Variants in RTN4RL1 observed in about 807,000 individuals in gnomAD.
RTN4RL1 encodes reticulon 4 receptor like 1.
A neutral mutation model predicts 25.6 loss-of-function variants in RTN4RL1; 7 were observed. That is an observed-to-expected ratio of 0.27 (90% CI 0.16 to 0.51). RTN4RL1 has a LOEUF of 0.51. Ranked by LOEUF, RTN4RL1 falls within the 20% of genes least tolerant of loss-of-function variation. The pLI is 0.97. For synonymous variants in RTN4RL1, 297 were observed against 288.2 expected (o/e 1.03, Z -0.31); for missense variants, 500 against 615.6 (o/e 0.81, Z 1.99).
chr17:1,987,923 T>C (rs1197802866), intron 1 of RTN4RL1, among the ~76,000 whole-genome samples: 2 of 150,592 alleles, frequency 1.3e-5, no homozygotes, highest in Non-Finnish European at 3.0e-5. Context: ...ATGGCCAACA[T>C]GGTGAAACAC....
intron 1 of RTN4RL1, among the ~76,000 whole-genome samples, chr17:1,938,795 A>G (rs150058671): frequency 0.024 from 3,690 of 151,786 alleles, 49 homozygotes; most frequent in African/African-American, 0.038. Flanking sequence ...TCACGCCTGT[A>G]ATCCCAACAC....
chr17:1,978,431 A>G (rs577725000), intron 1 of RTN4RL1, among the ~76,000 whole-genome samples: 88 of 152,380 alleles, frequency 5.8e-4, no homozygotes, highest in Non-Finnish European at 1.2e-3. Flanking sequence ...AGAAGCCTTT[A>G]GAGGAGAGGC....
intron 1 of RTN4RL1, among the ~76,000 whole-genome samples, chr17:1,957,318 C>T (rs1915812722): frequency 6.6e-6 from 1 of 152,146 alleles, no homozygotes. Context: ...CCTCTGTTTG[C>T]CTTCCCAACT....
intron 1 of RTN4RL1, among the ~76,000 whole-genome samples, chr17:1,938,949 G>A (rs1915373288): frequency 6.6e-6 from 1 of 152,050 alleles, no homozygotes. Flanking sequence ...AGGAGGCTGA[G>A]GCAGGAGAAT....
intron 1 of RTN4RL1, among the ~76,000 whole-genome samples, chr17:1,976,145 T>C (rs956824145): frequency 3.9e-5 from 6 of 152,246 alleles, no homozygotes; most frequent in Admixed American, 6.5e-5. Context: ...CTCATGTTGA[T>C]AGGCAATGAT....
At chr17:2,022,269 T>C (rs1433335518) in intron 1 of RTN4RL1, among the ~76,000 whole-genome samples, 3 of 152,058 alleles carry the variant, frequency 2.0e-5, no homozygotes, top group South Asian at 2.1e-4. Flanking sequence ...TTAGCTGAGA[T>C]TGCACCACTG....
At chr17:1,944,543 A>G (rs973831670) in intron 1 of RTN4RL1, among the ~76,000 whole-genome samples, 1 of 151,518 alleles carries the variant, frequency 6.6e-6, no homozygotes, top group Non-Finnish European at 1.5e-5. Context: ...GCAACTTCCA[A>G]CCTCCTGAGT....
intron 1 of RTN4RL1, among the ~76,000 whole-genome samples, chr17:2,002,086 G>C (rs907251998): frequency 2.6e-5 from 4 of 151,718 alleles, no homozygotes; most frequent in Non-Finnish European, 4.4e-5. Context: ...GTTGGGGGAT[G>C]ATGAGGAGAA....
At chr17:2,007,332 G>GC (rs2067004104) in intron 1 of RTN4RL1, among the ~76,000 whole-genome samples, 2 of 78,632 alleles carry the variant, frequency 2.5e-5, no homozygotes, top group African/African-American at 7.1e-5. Context: ...CATGTTCACA[G>GC]CCCCAACACA....
intron 1 of RTN4RL1, among the ~76,000 whole-genome samples, chr17:2,000,282 C>G (rs1007422325): frequency 6.6e-6 from 1 of 152,160 alleles, no homozygotes; most frequent in African/African-American, 2.4e-5. Context: ...CAGGATGGGG[C>G]AGAGGAAGGA....
At chr17:2,020,751 C>A (rs1197061496) in intron 1 of RTN4RL1, 1 of 152,192 alleles carries the variant, frequency 6.6e-6, no homozygotes, top group Non-Finnish European at 1.5e-5. Flanking sequence ...CTTAACAAAG[C>A]CTATTTGGCA....
rs183885016 is a variant in RTN4RL1 at position 1,938,776 on chromosome 17, C to T, written c.14-968G>A. 1.6e-3 allele frequency among the ~76,000 whole-genome samples: 235 copies of T among 150,524 alleles called. 1 individual carries two copies. The highest frequency in any genetic ancestry group is 5.0e-3 in the African/African-American group (206 of 41,122). On this transcript the variant is annotated intron_variant, in intron 1 of 1. Coordinates refer to ENST00000331238, the MANE Select transcript of RTN4RL1 (RefSeq NM_178568.4). Reference sequence around the variant, plus strand: ...TTTCTGAAATACAGACATGGCCGGGCGCGGTGGCTCACGCCTGTAATCCCA... The same window carrying T: ...TTTCTGAAATACAGACATGGCCGGGTGCGGTGGCTCACGCCTGTAATCCCA...
chr17:2,024,581 C>T (rs2067249188), intron 1 of RTN4RL1, among the ~76,000 whole-genome samples: 1 of 152,198 alleles, frequency 6.6e-6, no homozygotes, highest in Admixed American at 6.5e-5. Context: ...CCTTCCACCA[C>T]CGGCCGCTCA....
chr17:2,016,343 T>C (rs1472102251), intron 1 of RTN4RL1, among the ~76,000 whole-genome samples: 2 of 152,016 alleles, frequency 1.3e-5, no homozygotes. Context: ...ATCACACCAC[T>C]GCACTCCAGC....
chr17:1,978,691 T>C (rs550930379), intron 1 of RTN4RL1, among the ~76,000 whole-genome samples: 3 of 152,270 alleles, frequency 2.0e-5, no homozygotes, highest in South Asian at 4.1e-4. Context: ...GCACGGAGCA[T>C]GGAGCGTGGT....
At chr17:1,944,261 T>C (rs1457750983) in intron 1 of RTN4RL1, among the ~76,000 whole-genome samples, 1 of 152,050 alleles carries the variant, frequency 6.6e-6, no homozygotes, top group Non-Finnish European at 1.5e-5. Context: ...CTCATCTTCC[T>C]CACCTGCAAA....
At chr17:1,937,862 C>A in intron 1 of RTN4RL1, 54 bp from the exon 2 acceptor site, 2 of 1,380,788 alleles carry the variant, frequency 1.4e-6, no homozygotes, top group Admixed American at 2.0e-5. Context: ...TGAGGACTGG[C>A]ACCGCACCCT....
intron 1 of RTN4RL1, among the ~76,000 whole-genome samples, chr17:2,000,534 ATTTAT>A (rs1373093182): frequency 6.6e-6 from 1 of 151,140 alleles, no homozygotes. Flanking sequence ...TTATTTATTT[ATTTAT>A]TTTGAGACTG....
chr17:1,952,331 G>GTTTTTTTTTTTT (rs1213295319), intron 1 of RTN4RL1, among the ~76,000 whole-genome samples: 1 of 99,774 alleles, frequency 1.0e-5, no homozygotes. Context: ...AAGGGAGGTT[G>GTTTTTTTTTTTT]GTTTTTTTTT....
Sources: gnomAD v4.1 joint callset for allele counts (sites outside exome capture counted in the v4.1 genomes callset) on GRCh38, gnomAD v4.1.1 for gene constraint, MANE v1.5 for transcripts, NCBI Gene and HGNC (gene_info 2026-07-23, HGNC 2026-07-21) for gene names.